The following EXOC4 variants were observed in gnomAD, a reference collection of about 807,000 sequenced individuals.
The protein encoded by EXOC4 is exocyst complex component 4.
Under a neutral mutation model 107.2 loss-of-function variants are expected in EXOC4, and 71 were observed. That is an observed-to-expected ratio of 0.66 (90% CI 0.55 to 0.81). EXOC4 has a LOEUF of 0.81. Among genes scored for constraint, EXOC4 ranks in the 30% least tolerant of loss-of-function variants. The pLI, the probability that EXOC4 is intolerant of heterozygous loss-of-function variation, is 0.00. For missense variants in EXOC4, 1,108 were observed against 1,189.6 expected (o/e 0.93, Z 1.01); for synonymous variants, 456 against 441.2 (o/e 1.03, Z -0.42).
intron 11 of EXOC4, among the ~76,000 whole-genome samples, chr7:133,843,810 G>T (rs1443893955): frequency 2.0e-5 from 3 of 152,092 alleles, no homozygotes; most frequent in African/African-American, 4.8e-5. Flanking sequence ...GTCATAGATG[G>T]TTCATATTAT....
chr7:133,340,607 ATTC>A (rs1563026091), intron 5 of EXOC4, among the ~76,000 whole-genome samples: 2 of 151,832 alleles, frequency 1.3e-5, no homozygotes, highest in Non-Finnish European at 2.9e-5. Flanking sequence ...ATTGGTACCA[ATTC>A]TTCTTTGAAT....
chr7:133,479,366 C>G (rs1163699354), intron 8 of EXOC4: 2 of 152,182 alleles, frequency 1.3e-5, no homozygotes, highest in Non-Finnish European at 2.9e-5. Context: ...CTTCTCCCTC[C>G]TTCACCAGTG....
At chr7:133,991,439 A>G (rs1004213526) in intron 14 of EXOC4, among the ~76,000 whole-genome samples, 1 of 151,938 alleles carries the variant, frequency 6.6e-6, no homozygotes, top group Non-Finnish European at 1.5e-5. Context: ...GCTTTGTAGA[A>G]GCTTTTTTGG....
At chr7:133,541,233 G>T (rs948052083) in intron 9 of EXOC4, among the ~76,000 whole-genome samples, 1 of 152,276 alleles carries the variant, frequency 6.6e-6, no homozygotes, top group African/African-American at 2.4e-5. Context: ...TAGAAGTATA[G>T]TTAGGAAGTA....
chr7:133,413,566 C>T (rs558455173), intron 7 of EXOC4, among the ~76,000 whole-genome samples: 1 of 152,206 alleles, frequency 6.6e-6, no homozygotes, highest in Admixed American at 6.5e-5. Context: ...CTTTGGATGG[C>T]TCAAGTGATG....
At chr7:133,743,651 C>T (rs1562979317) in intron 10 of EXOC4, among the ~76,000 whole-genome samples, 1 of 101,266 alleles carries the variant, frequency 9.9e-6, no homozygotes, top group Non-Finnish European at 2.1e-5. Context: ...TGAAATTAGT[C>T]AAAACCCCCC....
intron 11 of EXOC4, among the ~76,000 whole-genome samples, chr7:133,834,140 TC>T (rs1461955315): frequency 6.6e-6 from 1 of 152,196 alleles, no homozygotes; most frequent in Non-Finnish European, 1.5e-5. Context: ...AGGTTTCTCT[TC>T]AAATAATCTG....
chr7:133,306,013 A>G lies in EXOC4; in HGVS notation c.608A>G (p.Lys203Arg), dbSNP rs1322693463. The change falls in exon 4 of 18, where the codon AAA becomes AGA. Residue 203 changes from lysine to arginine, a missense_variant. Transcript: ENST00000253861. Reference protein sequence around the residue: ...IDELHRHLYIKSTSRVVQRNK... With the variant: ...IDELHRHLYIRSTSRVVQRNK... Reference sequence around the variant, plus strand: ...GAACTACACCGGCACCTGTACATCAAATCGACTAGCCGAGTTGTGCAGCGT... The same window carrying G: ...GAACTACACCGGCACCTGTACATCAGATCGACTAGCCGAGTTGTGCAGCGT... 5 of 1,613,714 alleles carry G rather than the reference A, an allele frequency of 3.1e-6. No homozygotes were observed. Among genetic ancestry groups the G allele is most frequent in the South Asian group, 1.1e-5 (1 of 90,996 alleles).
chr7:133,666,393 G>C (rs1008232804), intron 10 of EXOC4, among the ~76,000 whole-genome samples: 5 of 152,084 alleles, frequency 3.3e-5, no homozygotes, highest in Non-Finnish European at 7.4e-5. Context: ...GGGGTGACTG[G>C]TGTACAGATT....
chr7:133,272,364 G>T (rs1419184824), intron 1 of EXOC4, among the ~76,000 whole-genome samples: 1 of 152,092 alleles, frequency 6.6e-6, no homozygotes, highest in East Asian at 1.9e-4. Context: ...CCTTCATTGT[G>T]TGAGGTGGTG....
chr7:133,290,377 A>G (rs537857050), intron 3 of EXOC4, among the ~76,000 whole-genome samples: 1 of 152,350 alleles, frequency 6.6e-6, no homozygotes, highest in East Asian at 1.9e-4. Context: ...ATCTTATTCA[A>G]AGTGGCAGCT....
chr7:133,940,429 G>C (rs1471322424), intron 14 of EXOC4, among the ~76,000 whole-genome samples: 3 of 152,148 alleles, frequency 2.0e-5, no homozygotes, highest in African/African-American at 7.2e-5. Flanking sequence ...CATGTGCTCA[G>C]TTCCATTTTA....
intron 11 of EXOC4, among the ~76,000 whole-genome samples, chr7:133,828,706 CTT>C (rs985170454): frequency 6.6e-6 from 1 of 152,144 alleles, no homozygotes; most frequent in Non-Finnish European, 1.5e-5. Context: ...TGATACATCT[CTT>C]ATAACAAGAG....
At chr7:133,282,506 C>A (rs931118505) in intron 2 of EXOC4, among the ~76,000 whole-genome samples, 2 of 152,122 alleles carry the variant, frequency 1.3e-5, no homozygotes, top group African/African-American at 4.8e-5. Context: ...AATGAAAATA[C>A]TGTCATCACA....
chr7:133,824,374 G>A (rs576956586), intron 11 of EXOC4, among the ~76,000 whole-genome samples: 1 of 151,926 alleles, frequency 6.6e-6, no homozygotes. Context: ...CTCATCACCA[G>A]CTTGCTGTTT....
intron 10 of EXOC4, among the ~76,000 whole-genome samples, chr7:133,649,572 G>A (rs1803086922): frequency 6.6e-6 from 1 of 150,590 alleles, no homozygotes; most frequent in Non-Finnish European, 1.5e-5. Flanking sequence ...CCCCATCAGA[G>A]TGTTTCTCTT....
chr7:133,925,352 T>C (rs1347845061), intron 13 of EXOC4, among the ~76,000 whole-genome samples: 1 of 152,180 alleles, frequency 6.6e-6, no homozygotes, highest in East Asian at 1.9e-4. Flanking sequence ...ATAGCAAATA[T>C]CCTTTTATTC....
At chr7:133,908,672 A>G (rs897914334) in intron 12 of EXOC4, among the ~76,000 whole-genome samples, 2 of 152,184 alleles carry the variant, frequency 1.3e-5, no homozygotes, top group Non-Finnish European at 2.9e-5. Context: ...AAGTTTATAT[A>G]TGCCAAATGC....
chr7:133,962,208 A>G (rs1325199736), intron 14 of EXOC4, among the ~76,000 whole-genome samples: 2 of 152,340 alleles, frequency 1.3e-5, no homozygotes, highest in South Asian at 4.1e-4. Context: ...CTTGAAGAAC[A>G]TACTTACTGT....
Sources: gnomAD v4.1 joint callset for allele counts (sites outside exome capture counted in the v4.1 genomes callset) on GRCh38, gnomAD v4.1.1 for gene constraint, MANE v1.5 for transcripts, NCBI Gene and HGNC (gene_info 2026-07-23, HGNC 2026-07-21) for gene names.